The following GOLGA8A variants were observed in gnomAD, a reference collection of about 807,000 sequenced individuals.
GOLGA8A encodes the protein golgin subfamily A member 8A.
In GOLGA8A, 3 loss-of-function variants were observed where a neutral mutation model predicts 22.1. That is an observed-to-expected ratio of 0.14 (90% CI 0.06 to 0.35). The LOEUF (loss-of-function observed/expected upper bound fraction) is 0.35, where lower values mean the gene tolerates loss of function less well. Among genes scored for constraint, GOLGA8A ranks in the 10% least tolerant of loss-of-function variants. GOLGA8A has a pLI of 1.00. For synonymous variants in GOLGA8A, 7 were observed against 91.7 expected (o/e 0.08, Z 5.28); for missense variants, 16 against 233.2 (o/e 0.07, Z 6.07).
intron 2 of GOLGA8A, among the ~76,000 whole-genome samples, chr15:34,427,330 C>CAAA (rs67775520): frequency 5.1e-4 from 40 of 78,746 alleles, no homozygotes; most frequent in Non-Finnish European, 6.2e-4. Context: ...GACTCCGTCA[C>CAAA]AAAAAAAAAA....
chr15:34,400,899 G>GT lies in GOLGA8A; in HGVS notation c.-574-141dup, dbSNP rs1475253220. 4 of 53,818 alleles carry GT rather than the reference G, an allele frequency of 7.4e-5. No individual in the cohort carries two copies. The East Asian group carries it at 1.8e-3, about 24-fold the overall frequency. The allele number at this position is 53,818 out of a possible 1,614,324, so 3.3% of individuals were successfully genotyped here. A position where few individuals can be genotyped will look rare whatever the true frequency, so the allele number is the denominator to read the frequency against. On this transcript the variant is annotated intron_variant, in intron 5 of 24. Transcript: ENST00000359187. ...TTAGAAAACTACTACCATCCTTAGA[G>GT]TAAGTACAAGAAAGTATTCTTTTAT...
At chr15:34,430,431 T>C (rs168389) in intron 2 of GOLGA8A, among the ~76,000 whole-genome samples, 118,831 of 148,082 alleles carry the variant, frequency 0.8, 50,067 homozygotes, top group East Asian at 0.99. Flanking sequence ...GTCAGGAAAA[T>C]CTCGACTTCA....
chr15:34,398,143 T>TG (rs1334294947), intron 8 of GOLGA8A, among the ~76,000 whole-genome samples: 1 of 146,532 alleles, frequency 6.8e-6, no homozygotes, highest in Non-Finnish European at 1.5e-5. Context: ...AAGGCTTTCT[T>TG]GGTAATGTCC....
At chr15:34,427,742 C>T (rs1424725847) in intron 2 of GOLGA8A, among the ~76,000 whole-genome samples, 1 of 148,378 alleles carries the variant, frequency 6.7e-6, no homozygotes, top group East Asian at 2.0e-4. Flanking sequence ...GCCAAATCAC[C>T]AGCAAAACAA....
rs1893393177 is a variant in GOLGA8A at position 34,434,312 on chromosome 15, A to AG, written c.-1123+1070dup. ...CTGGCCTGGGCCAACTTGCAGACTC[A>AG]GGGGTACCCCACAGCCCAACCTGGG... On this transcript the variant is annotated intron_variant, in intron 2 of 24. Transcript: ENST00000359187. 1.3e-5 allele frequency among the ~76,000 whole-genome samples: 2 copies of AG among 149,636 alleles called. 1 individual carries two copies. The highest frequency in any genetic ancestry group is 4.3e-4 in the South Asian group (2 of 4,668).
chr15:34,420,197 C>A (rs929113949), intron 2 of GOLGA8A: 1 of 146,540 alleles, frequency 6.8e-6, no homozygotes, highest in Non-Finnish European at 1.5e-5. Context: ...AGGCATCTCA[C>A]CAGCCGATTC....
At chr15:34,431,911 A>G (rs1199046201) in intron 2 of GOLGA8A, among the ~76,000 whole-genome samples, 1 of 149,144 alleles carries the variant, frequency 6.7e-6, no homozygotes, top group Non-Finnish European at 1.5e-5. Flanking sequence ...CATATATGCT[A>G]TCATTCACCA....
At chr15:34,424,972 C>T (rs2455922) in intron 2 of GOLGA8A, among the ~76,000 whole-genome samples, 16,084 of 138,312 alleles carry the variant, frequency 0.12, 1,683 homozygotes, top group South Asian at 0.2. Flanking sequence ...TGGTGGACCC[C>T]GCTACTTGGG....
rs397826208 is a variant in GOLGA8A, at chr15:34,379,882, G to A, written c.*1529C>T. 3.9e-5 allele frequency: 6 copies of A among 152,672 alleles called. No individual in the cohort carries two copies. Among genetic ancestry groups the A allele is most frequent in the Admixed American group, 6.5e-5 (1 of 15,278 alleles). 9.5% of individuals were successfully genotyped at this position (152,672 alleles called of 1,614,324 possible). A position where few individuals can be genotyped will look rare whatever the true frequency, so the allele number is the denominator to read the frequency against. ...CACAATCACAGAAATATTGCACAAAGTATGTCCCTGACTGAAAATGAGAGG... is the reference window on the plus strand; with the variant it reads ...CACAATCACAGAAATATTGCACAAAATATGTCCCTGACTGAAAATGAGAGG... On this transcript the variant is annotated 3_prime_UTR_variant, in exon 25 of 25. Transcript: ENST00000359187.
At chr15:34,431,825 T>C (rs1184797578) in intron 2 of GOLGA8A, among the ~76,000 whole-genome samples, 1 of 148,776 alleles carries the variant, frequency 6.7e-6, no homozygotes, top group Non-Finnish European at 1.5e-5. Context: ...ATAAAGTAAC[T>C]GCACTACAAC....
intron 2 of GOLGA8A, among the ~76,000 whole-genome samples, chr15:34,420,773 C>G (rs1366256639): frequency 8.2e-6 from 1 of 121,232 alleles, no homozygotes; most frequent in Admixed American, 8.9e-5. Flanking sequence ...CAGCATCACA[C>G]GGAGTGGCTC....
intron 2 of GOLGA8A, among the ~76,000 whole-genome samples, chr15:34,434,763 G>C (rs1325262228): frequency 1.3e-5 from 2 of 149,360 alleles, no homozygotes; most frequent in Non-Finnish European, 3.0e-5. Context: ...ACATCTGGGA[G>C]GCCTGCCTGG....
chr15:34,432,966 AAAC>A (rs1893322938), intron 2 of GOLGA8A, among the ~76,000 whole-genome samples: 1 of 148,898 alleles, frequency 6.7e-6, no homozygotes, highest in African/African-American at 2.5e-5. Context: ...CTGTGCCTCA[AAAC>A]AACCACAGGC....
chr15:34,426,192 G>C lies in GOLGA8A; in HGVS notation c.-1123+9191C>G, dbSNP rs993995517. Among the ~76,000 whole-genome samples, 19 of 149,428 alleles carry C rather than the reference G, an allele frequency of 1.3e-4. 2 individuals carry two copies. The highest frequency in any genetic ancestry group is 2.2e-4 in the Non-Finnish European group (15 of 67,212). On this transcript the variant is annotated intron_variant, in intron 2 of 24. Coordinates refer to ENST00000359187, the MANE Select transcript of GOLGA8A (RefSeq NM_181077.5). ...GCATTCTCCGTGAGTGTGAAAAACG[G>C]AACAACCCAAAAGTTCAATAAATAA...
At chr15:34,435,090 C>A (rs1893439884) in intron 2 of GOLGA8A, among the ~76,000 whole-genome samples, 1 of 149,440 alleles carries the variant, frequency 6.7e-6, no homozygotes, top group Admixed American at 6.7e-5. Flanking sequence ...TCACCTGAGG[C>A]CCTCACCTAT....
intron 8 of GOLGA8A, among the ~76,000 whole-genome samples, chr15:34,397,142 TGGTGGTGGTGGGG>T: frequency 2.2e-5 from 1 of 46,442 alleles, no homozygotes. Context: ...CTTTTTTTTT[TGGTGGTGGTGGGG>T]TATTTTTTGG....
chr15:34,427,054 C>T (rs1461375463), intron 2 of GOLGA8A, among the ~76,000 whole-genome samples: 5 of 147,584 alleles, frequency 3.4e-5, no homozygotes, highest in African/African-American at 1.2e-4. Flanking sequence ...GAAGTTAGGC[C>T]GGGCACGGTG....
Position 34,434,399 on chromosome 15 carries a change from G to T in GOLGA8A, c.-1123+984C>A, listed in dbSNP as rs117403209. Among the ~76,000 whole-genome samples the T allele has an allele frequency of 7.4e-5, 11 of 149,232 alleles. 1 individual carries two copies. The highest frequency in any genetic ancestry group is 2.2e-4 in the African/African-American group (9 of 40,578). ...AGCAATGGCACCCCACCAGTACGCA[G>T]GGTTCCACATAGAGAGCCTGGCTGC... On this transcript the variant is annotated intron_variant, in intron 2 of 24. Transcript: ENST00000359187.
intron 2 of GOLGA8A, among the ~76,000 whole-genome samples, chr15:34,427,800 T>C (rs1216499099): frequency 1.4e-5 from 2 of 147,784 alleles, no homozygotes; most frequent in Non-Finnish European, 3.0e-5. Context: ...AGGGCTCTAC[T>C]CCCCAGCCCA....
Sources: gnomAD v4.1 joint callset for allele counts (sites outside exome capture counted in the v4.1 genomes callset) on GRCh38, gnomAD v4.1.1 for gene constraint, MANE v1.5 for transcripts, NCBI Gene and HGNC (gene_info 2026-07-23, HGNC 2026-07-21) for gene names.